The following PRKG1 variants were observed in gnomAD, a reference collection of about 807,000 sequenced individuals.
The protein encoded by PRKG1 is protein kinase cGMP-dependent 1, also known as cGMP-dependent protein kinase 1.
In PRKG1, 35 loss-of-function variants were observed where a neutral mutation model predicts 88.1. The observed-to-expected ratio is 0.40, with a 90% CI of 0.30 to 0.53. The LOEUF is 0.53. Among genes scored for constraint, PRKG1 ranks in the 20% least tolerant of loss-of-function variants. The pLI is 0.59. For missense variants in PRKG1, 540 were observed against 839.8 expected (o/e 0.64, Z 4.41); for synonymous variants, 303 against 292.5 (o/e 1.04, Z -0.37).
chr10:51,339,409 T>C (rs1179388537), intron 2 of PRKG1, among the ~76,000 whole-genome samples: 1 of 152,082 alleles, frequency 6.6e-6, no homozygotes, highest in Non-Finnish European at 1.5e-5. Context: ...TCCTGAAATA[T>C]TTATTTCAGA....
intron 5 of PRKG1, among the ~76,000 whole-genome samples, chr10:51,918,167 G>A (rs1263877751): frequency 1.3e-5 from 2 of 152,058 alleles, no homozygotes; most frequent in Admixed American, 6.6e-5. Context: ...AATTAAATGG[G>A]GAAGTATTTT....
intron 2 of PRKG1, among the ~76,000 whole-genome samples, chr10:51,444,144 T>C (rs984611356): frequency 1.3e-5 from 2 of 151,360 alleles, no homozygotes; most frequent in African/African-American, 4.9e-5. Context: ...GTGTAATTAT[T>C]ATACCAGCTG....
chr10:51,993,943 G>T (rs2133133581), intron 5 of PRKG1, among the ~76,000 whole-genome samples: 1 of 152,186 alleles, frequency 6.6e-6, no homozygotes, highest in East Asian at 1.9e-4. Context: ...TTCAAAGGAG[G>T]GTCTCCTTCC....
chr10:51,050,192 T>C (rs1474205088), intron 1 of PRKG1, among the ~76,000 whole-genome samples: 1 of 151,880 alleles, frequency 6.6e-6, no homozygotes, highest in African/African-American at 2.4e-5. Flanking sequence ...ATATCTATCC[T>C]CTTAGCAAAG....
chr10:51,178,660 T>A (rs1458167195), intron 2 of PRKG1, among the ~76,000 whole-genome samples: 2 of 152,154 alleles, frequency 1.3e-5, no homozygotes, highest in East Asian at 1.9e-4. Flanking sequence ...TGGTATTAAA[T>A]GTAAATATCC....
At chr10:51,578,130 A>G (rs1837935243) in intron 3 of PRKG1, among the ~76,000 whole-genome samples, 1 of 151,942 alleles carries the variant, frequency 6.6e-6, no homozygotes, top group Non-Finnish European at 1.5e-5. Context: ...CTTCATTCCT[A>G]TTTTCTTCTC....
At chr10:51,262,122 G>A (rs1839726366) in intron 2 of PRKG1, among the ~76,000 whole-genome samples, 1 of 151,822 alleles carries the variant, frequency 6.6e-6, no homozygotes, top group South Asian at 2.1e-4. Context: ...TCCTGACCTC[G>A]TGATCCGCCC....
intron 3 of PRKG1, among the ~76,000 whole-genome samples, chr10:51,484,725 G>A (rs1840479473): frequency 6.6e-6 from 1 of 152,138 alleles, no homozygotes; most frequent in Non-Finnish European, 1.5e-5. Flanking sequence ...CTAAGAATGT[G>A]CCCTGTAAAC....
chr10:51,244,496 C>T (rs1445572692), intron 2 of PRKG1, among the ~76,000 whole-genome samples: 1 of 151,920 alleles, frequency 6.6e-6, no homozygotes, highest in Non-Finnish European at 1.5e-5. Context: ...TCTGCCTCCT[C>T]CTCCCAATTC....
intron 3 of PRKG1, among the ~76,000 whole-genome samples, chr10:51,508,125 T>C (rs547205234): frequency 6.6e-5 from 10 of 152,248 alleles, no homozygotes; most frequent in Non-Finnish European, 1.2e-4. Flanking sequence ...GACTTATAGA[T>C]ACCCCATAGA....
chr10:51,014,747 A>C (rs1843036219), intron 1 of PRKG1, among the ~76,000 whole-genome samples: 1 of 152,214 alleles, frequency 6.6e-6, no homozygotes, highest in Non-Finnish European at 1.5e-5. Context: ...TTACATATTT[A>C]CATATTTATG....
At chr10:51,727,536 C>A (rs1414991671) in intron 3 of PRKG1, among the ~76,000 whole-genome samples, 1 of 152,062 alleles carries the variant, frequency 6.6e-6, no homozygotes, top group Non-Finnish European at 1.5e-5. Flanking sequence ...CCGAGTTAAA[C>A]CTGGGATTCC....
At chr10:51,033,416 T>G (rs1001318386) in intron 1 of PRKG1, among the ~76,000 whole-genome samples, 1 of 152,120 alleles carries the variant, frequency 6.6e-6, no homozygotes, top group African/African-American at 2.4e-5. Context: ...AGCTAGTAAG[T>G]CGTAAGTGAT....
At chr10:52,290,460 A>G (rs952322113) in intron 17 of PRKG1, among the ~76,000 whole-genome samples, 170 bp downstream of exon 17, 1 of 152,200 alleles carries the variant, frequency 6.6e-6, no homozygotes, top group Non-Finnish European at 1.5e-5. Context: ...TTGAAAGCAG[A>G]TAAATTTGGG....
intron 3 of PRKG1, among the ~76,000 whole-genome samples, chr10:51,737,730 T>TTTAC (rs1837317271): frequency 8.9e-6 from 1 of 112,354 alleles, no homozygotes; most frequent in East Asian, 2.5e-4. Context: ...TATTTATTTA[T>TTTAC]TTATTTATTA....
intron 3 of PRKG1, among the ~76,000 whole-genome samples, chr10:51,673,890 A>G (rs1840644731): frequency 6.6e-6 from 1 of 152,156 alleles, no homozygotes; most frequent in Non-Finnish European, 1.5e-5. Context: ...TTTAATGTGA[A>G]TATAATCTTG....
At chr10:51,730,678 G>T (rs1842250372) in intron 3 of PRKG1, among the ~76,000 whole-genome samples, 1 of 152,174 alleles carries the variant, frequency 6.6e-6, no homozygotes, top group South Asian at 2.1e-4. Flanking sequence ...ATTAGTATTA[G>T]TTAAATTCTG....
chr10:51,073,729 C>G (rs954454695), upstream of PRKG1, among the ~76,000 whole-genome samples: 1 of 152,160 alleles, frequency 6.6e-6, no homozygotes, highest in Non-Finnish European at 1.5e-5. Context: ...AACCCCACCC[C>G]CTACCCCACA....
chr10:51,299,632 T>TA (rs746611214), intron 2 of PRKG1: 2 of 465,588 alleles, frequency 4.3e-6, no homozygotes, highest in South Asian at 3.1e-5. Flanking sequence ...GAGAAGGCAC[T>TA]ATGAGATTTA....
Sources: allele counts gnomAD v4.1 joint callset (sites outside exome capture counted in the v4.1 genomes callset), GRCh38; gene constraint gnomAD v4.1.1; transcripts MANE v1.5; gene names NCBI Gene and HGNC (gene_info 2026-07-23, HGNC 2026-07-21).